Variants in KAZN observed in about 807,000 individuals in gnomAD.
The protein encoded by KAZN is kazrin, periplakin interacting protein.
KAZN carries 40 observed loss-of-function variants against 87.4 expected under a neutral mutation model. That is an observed-to-expected ratio of 0.46 (90% CI 0.36 to 0.60). KAZN has a LOEUF of 0.60. Among genes scored for constraint, KAZN ranks in the 20% least tolerant of loss-of-function variants. The pLI, the probability that KAZN is intolerant of heterozygous loss-of-function variation, is 0.00. For synonymous variants in KAZN, 466 were observed against 458.3 expected (o/e 1.02, Z -0.22); for missense variants, 898 against 1,073.9 (o/e 0.84, Z 2.29).
At chr1:14,528,874 C>T (rs1434553694) in intron 2 of KAZN, among the ~76,000 whole-genome samples, 1 of 152,118 alleles carries the variant, frequency 6.6e-6, no homozygotes, top group Non-Finnish European at 1.5e-5. Flanking sequence ...TGAACAAACT[C>T]CACTTTATTC....
intron 2 of KAZN, among the ~76,000 whole-genome samples, chr1:14,365,444 T>C (rs1476583901): frequency 6.6e-6 from 1 of 151,572 alleles, no homozygotes; most frequent in Non-Finnish European, 1.5e-5. Flanking sequence ...TGACCTCATC[T>C]TAATTAATTA....
chr1:14,043,555 C>T (rs965009386), intron 1 of KAZN, among the ~76,000 whole-genome samples: 1 of 152,040 alleles, frequency 6.6e-6, no homozygotes, highest in African/African-American at 2.4e-5. Flanking sequence ...ACATTTCTAC[C>T]AGCAAAGCAA....
intron 1 of KAZN, among the ~76,000 whole-genome samples, chr1:14,729,008 G>A (rs777801505): frequency 2.6e-5 from 4 of 152,114 alleles, no homozygotes; most frequent in East Asian, 1.9e-4. Context: ...GGAAGCTGCC[G>A]TTTCTTGAGA....
At chr1:15,001,549 C>T (rs7517679) in intron 2 of KAZN, among the ~76,000 whole-genome samples, 25,296 of 152,024 alleles carry the variant, frequency 0.17, 2,348 homozygotes, top group East Asian at 0.34. Context: ...AGCAGCAGCC[C>T]CTACTCCCTG....
At chr1:14,152,962 T>C (rs1328630694) in intron 1 of KAZN, among the ~76,000 whole-genome samples, 1 of 152,242 alleles carries the variant, frequency 6.6e-6, no homozygotes, top group Non-Finnish European at 1.5e-5. Context: ...CATCTTTTCA[T>C]ATACCTGTTT....
At chr1:14,796,004 A>G (rs1017306432) in intron 1 of KAZN, among the ~76,000 whole-genome samples, 13 of 152,008 alleles carry the variant, frequency 8.6e-5, no homozygotes, top group South Asian at 4.2e-4. Flanking sequence ...TTTATGGCCT[A>G]TCCTCCCCAC....
intron 1 of KAZN, among the ~76,000 whole-genome samples, chr1:14,618,587 T>C (rs1469221874): frequency 6.6e-6 from 1 of 152,188 alleles, no homozygotes; most frequent in Non-Finnish European, 1.5e-5. Flanking sequence ...AATCCTCACA[T>C]TGTTTTATTA....
At chr1:14,005,850 A>T (rs930988657) in intron 1 of KAZN, among the ~76,000 whole-genome samples, 3 of 152,112 alleles carry the variant, frequency 2.0e-5, no homozygotes, top group African/African-American at 7.2e-5. Flanking sequence ...CTATCAATGG[A>T]CTCACTGGCC....
chr1:14,984,183 C>T (rs1018372275), intron 2 of KAZN, among the ~76,000 whole-genome samples: 4 of 152,014 alleles, frequency 2.6e-5, no homozygotes, highest in South Asian at 2.1e-4. Context: ...CTTGGCAAAA[C>T]TCCATCTCTA....
intron 2 of KAZN, among the ~76,000 whole-genome samples, chr1:14,212,610 A>G (rs1240078786): frequency 6.6e-6 from 1 of 152,188 alleles, no homozygotes; most frequent in African/African-American, 2.4e-5. Flanking sequence ...CAATTTTGCA[A>G]TATCCCAGCT....
chr1:14,673,201 C>A (rs1271982195), intron 1 of KAZN, among the ~76,000 whole-genome samples: 1 of 152,196 alleles, frequency 6.6e-6, no homozygotes, highest in Non-Finnish European at 1.5e-5. Flanking sequence ...GTCCCTGTGT[C>A]CCATCACAGG....
At chr1:14,202,040 T>C (rs967724182) in intron 2 of KAZN, among the ~76,000 whole-genome samples, 2 of 152,232 alleles carry the variant, frequency 1.3e-5, no homozygotes, top group Admixed American at 6.5e-5. Context: ...AGATTCTGTG[T>C]AATCACTTTA....
chr1:14,175,091 A>T (rs748493282), intron 1 of KAZN, among the ~76,000 whole-genome samples: 13 of 152,110 alleles, frequency 8.5e-5, no homozygotes, highest in Non-Finnish European at 1.8e-4. Context: ...TCAATCTACC[A>T]TGGATGGGTT....
At chr1:14,810,579 C>A (rs189991141) in intron 1 of KAZN, among the ~76,000 whole-genome samples, 1 of 152,178 alleles carries the variant, frequency 6.6e-6, no homozygotes, top group African/African-American at 2.4e-5. Flanking sequence ...ATGACCCCCT[C>A]CCACCCCACA....
At chr1:14,271,982 T>G (rs1224380304) in intron 2 of KAZN, among the ~76,000 whole-genome samples, 1 of 152,250 alleles carries the variant, frequency 6.6e-6, no homozygotes, top group African/African-American at 2.4e-5. Context: ...GACATAATGA[T>G]TCACACTTCA....
chr1:14,815,993 T>C (rs1241433424), intron 1 of KAZN, among the ~76,000 whole-genome samples: 1 of 152,166 alleles, frequency 6.6e-6, no homozygotes, highest in Non-Finnish European at 1.5e-5. Context: ...TTGGTGACAT[T>C]TCTCATTCCA....
intron 1 of KAZN, among the ~76,000 whole-genome samples, chr1:14,828,585 T>C (rs1646965880): frequency 6.6e-6 from 1 of 152,200 alleles, no homozygotes; most frequent in Non-Finnish European, 1.5e-5. Context: ...AATTTTAAGT[T>C]GCGGTAGCAG....
At chr1:14,580,475 C>T (rs1336409157) in intron 2 of KAZN, among the ~76,000 whole-genome samples, 1 of 144,336 alleles carries the variant, frequency 6.9e-6, no homozygotes, top group Non-Finnish European at 1.5e-5. Flanking sequence ...AACTCTATCT[C>T]AAATAAATAA....
At position 14,012,569 on chromosome 1, in the gene KAZN, G is replaced by A. The variant is rs114709287; in HGVS notation, c.91+118813G>A. ...GTGGCTCACACCTGTAGTCCCAGCA[G>A]TTTGGGAGGGTGACGCGGGTGGATC... On this transcript the variant is annotated intron_variant, in intron 1 of 16. Coordinates refer to the KAZN transcript ENST00000636203. 2.3e-3 allele frequency among the ~76,000 whole-genome samples: 357 copies of A among 152,300 alleles called. 2 individuals are homozygous for A. Among genetic ancestry groups the A allele is most frequent in the African/African-American group, 8.4e-3 (349 of 41,556 alleles).
Sources: gnomAD v4.1 joint callset for allele counts (sites outside exome capture counted in the v4.1 genomes callset) on GRCh38, gnomAD v4.1.1 for gene constraint, MANE v1.5 for transcripts, NCBI Gene and HGNC (gene_info 2026-07-23, HGNC 2026-07-21) for gene names.